SLC6A16: variants seen among roughly 807,000 people sequenced by gnomAD.
SLC6A16 encodes orphan sodium- and chloride-dependent neurotransmitter transporter NTT5.
In SLC6A16, 54 loss-of-function variants were observed where a neutral mutation model predicts 65.4. The ratio of observed to expected loss-of-function variants is 0.83; its 90% CI spans 0.66 to 1.04. The LOEUF (loss-of-function observed/expected upper bound fraction) is 1.04, where lower values mean the gene tolerates loss of function less well. Among genes scored for constraint, SLC6A16 ranks in the 50% least tolerant of loss-of-function variants. The pLI, the probability that SLC6A16 is intolerant of heterozygous loss-of-function variation, is 0.00. For missense variants in SLC6A16, 816 were observed against 914.0 expected (o/e 0.89, Z 1.38); for synonymous variants, 330 against 346.5 (o/e 0.95, Z 0.53).
the SLC6A16 span, among the ~76,000 whole-genome samples, chr19:49,334,677 A>G: frequency 2.7e-5 from 4 of 150,316 alleles, no homozygotes; most frequent in Admixed American, 6.6e-5. Context: ...TTTTTTTTTA[A>G]TTAAATATAA....
the SLC6A16 span, chr19:49,340,025 T>G: frequency 6.8e-7 from 1 of 1,480,394 alleles, no homozygotes; most frequent in Non-Finnish European, 9.0e-7. Context: ...GCTTCCGACC[T>G]TACTCCTTCT....
intron 7 of SLC6A16, among the ~76,000 whole-genome samples, chr19:49,296,343 AT>A (rs745775854): frequency 2.6e-5 from 4 of 152,214 alleles, no homozygotes; most frequent in Non-Finnish European, 5.9e-5. Context: ...AGTCAAAACG[AT>A]TTTGGAAAAA....
At chr19:49,312,221 AAAACTAAACT>A (rs894592236) in intron 1 of SLC6A16, among the ~76,000 whole-genome samples, 1 of 152,182 alleles carries the variant, frequency 6.6e-6, no homozygotes, top group African/African-American at 2.4e-5. Flanking sequence ...ATTTAAAAAC[AAAACTAAACT>A]AAACTAAACT....
chr19:49,318,364 A>C (rs1212431466), intron 1 of SLC6A16, among the ~76,000 whole-genome samples: 1 of 152,202 alleles, frequency 6.6e-6, no homozygotes, highest in Non-Finnish European at 1.5e-5. Flanking sequence ...ACCTGAAAAA[A>C]AAAAATTCTT....
chr19:49,325,322 A>G, upstream of SLC6A16: 15 of 796,962 alleles, frequency 1.9e-5, no homozygotes, highest in South Asian at 5.7e-5. Context: ...CCCCACACGC[A>G]CGCACGTGTG....
At chr19:49,302,576 T>C (rs2146101525) in intron 7 of SLC6A16, among the ~76,000 whole-genome samples, 1 of 152,222 alleles carries the variant, frequency 6.6e-6, no homozygotes, top group Middle Eastern at 3.4e-3. Flanking sequence ...ATAAAAATCA[T>C]GAAGAATTGG....
intron 4 of SLC6A16, 60 bp from the exon 5 acceptor site, chr19:49,309,886 C>T: frequency 1.3e-6 from 2 of 1,563,730 alleles, no homozygotes; most frequent in South Asian, 1.1e-5. Flanking sequence ...TCTTCCTTAT[C>T]CCCTCCCCCA....
At chr19:49,335,646 C>T in the SLC6A16 span, 2 of 1,610,154 alleles carry the variant, frequency 1.2e-6, no homozygotes, top group East Asian at 2.2e-5. The surrounding 1 kb of genome is among the most constrained non-coding windows in gnomAD (Gnocchi z 4.6). Flanking sequence ...GGGGCCCAGC[C>T]CCTGCCGCTA....
upstream of SLC6A16, among the ~76,000 whole-genome samples, chr19:49,326,892 G>A (rs961595380): frequency 1.1e-4 from 16 of 151,586 alleles, no homozygotes; most frequent in South Asian, 2.1e-4. Flanking sequence ...GGTGGTGCAC[G>A]CCTGTAATCC....
At chr19:49,314,211 C>G (rs571156761) in intron 1 of SLC6A16, among the ~76,000 whole-genome samples, 15 of 152,048 alleles carry the variant, frequency 9.9e-5, no homozygotes, top group Non-Finnish European at 1.6e-4. Context: ...AAGCTCTCAT[C>G]AGCGAAATCT....
chr19:49,325,220 C>T, upstream of SLC6A16: 6 of 985,412 alleles, frequency 6.1e-6, no homozygotes, highest in Non-Finnish European at 7.2e-6. Context: ...CCCGCCGATT[C>T]TCTGCGCATG....
intron 7 of SLC6A16, among the ~76,000 whole-genome samples, chr19:49,302,754 GAAC>G (rs1421359360): frequency 6.6e-6 from 1 of 151,982 alleles, no homozygotes; most frequent in Non-Finnish European, 1.5e-5. Flanking sequence ...GAAAACAATA[GAAC>G]AACGAAAGAA....
At chr19:49,306,356 T>C (rs1019854669) in intron 7 of SLC6A16, among the ~76,000 whole-genome samples, 2 of 151,362 alleles carry the variant, frequency 1.3e-5, no homozygotes, top group Non-Finnish European at 2.9e-5. Flanking sequence ...TGGATAAATA[T>C]TGCAAACATG....
chr19:49,327,986 T>C (rs565821696), upstream of SLC6A16, among the ~76,000 whole-genome samples: 1 of 152,320 alleles, frequency 6.6e-6, no homozygotes, highest in East Asian at 1.9e-4. Context: ...TTATAGGTCA[T>C]GGTCGGAATT....
the SLC6A16 span, chr19:49,336,623 A>G: frequency 2.8e-6 from 1 of 359,942 alleles, no homozygotes; most frequent in South Asian, 3.8e-5. Flanking sequence ...AGCCAAGCCA[A>G]TGTCACAGAA....
chr19:49,313,920 C>T (rs1431233379), intron 1 of SLC6A16, among the ~76,000 whole-genome samples: 2 of 151,922 alleles, frequency 1.3e-5, no homozygotes, highest in African/African-American at 2.4e-5. Context: ...CACGGTGAAA[C>T]CCCATCTCTA....
At chr19:49,335,871 T>C in the SLC6A16 span, 8 of 1,089,640 alleles carry the variant, frequency 7.3e-6, no homozygotes, top group South Asian at 1.0e-4. The surrounding 1 kb of genome is among the most constrained non-coding windows in gnomAD (Gnocchi z 4.6). Context: ...AGACCTACGG[T>C]GCCCTACTCT....
At chr19:49,321,400 A>G (rs1233373158) in intron 1 of SLC6A16, among the ~76,000 whole-genome samples, 1 of 151,982 alleles carries the variant, frequency 6.6e-6, no homozygotes, top group South Asian at 2.1e-4. Flanking sequence ...TGTAATCCCA[A>G]CACTTTGGGA....
the SLC6A16 span, among the ~76,000 whole-genome samples, chr19:49,333,669 C>T: frequency 6.6e-6 from 1 of 152,122 alleles, no homozygotes; most frequent in Non-Finnish European, 1.5e-5. Flanking sequence ...CCAGAGCCTG[C>T]CTGAGCCCTC....
Sources: gnomAD v4.1 joint callset for allele counts (sites outside exome capture counted in the v4.1 genomes callset) on GRCh38, gnomAD v4.1.1 for gene constraint, Gnocchi (gnomAD v3.1) non-coding constraint, MANE v1.5 for transcripts, NCBI Gene and HGNC (gene_info 2026-07-23, HGNC 2026-07-21) for gene names.